The following GET1 variants were observed in gnomAD, a reference collection of about 807,000 sequenced individuals.
The protein encoded by GET1 is guided entry of tail-anchored proteins factor 1.
GET1 carries 20 observed loss-of-function variants against 22.6 expected under a neutral mutation model. That is an observed-to-expected ratio of 0.89 (90% confidence interval 0.62 to 1.29). The LOEUF (loss-of-function observed/expected upper bound fraction) is 1.29, where lower values mean the gene tolerates loss of function less well. Among genes scored for constraint, GET1 ranks in the 50% most tolerant of loss-of-function variants. The pLI, the probability that GET1 is intolerant of heterozygous loss-of-function variation, is 0.00. For missense variants in GET1, 209 were observed against 219.9 expected (o/e 0.95, Z 0.31); for synonymous variants, 92 against 83.8 (o/e 1.10, Z -0.53).
chr21:39,403,611 T>C (rs182426010), intron 4 of GET1, among the ~76,000 whole-genome samples: 267 of 143,480 alleles, frequency 1.9e-3, no homozygotes, highest in African/African-American at 6.5e-3. Context: ...CCGCTCCCGG[T>C]CTACTATTTT....
At chr21:39,419,135 G>A (rs1335590758) in intron 1 of GET1, among the ~76,000 whole-genome samples, 1 of 152,010 alleles carries the variant, frequency 6.6e-6, no homozygotes, top group Non-Finnish European at 1.5e-5. Flanking sequence ...AACTCGTCCA[G>A]CTCCGCCCCA....
rs767357715 is a variant in GET1 at position 39,420,857 on chromosome 21, ATATT to A, written c.*24-7374_*24-7371del. 1.5e-4 allele frequency: 239 copies of A among 1,588,060 alleles called. 1 individual carries two copies. Among genetic ancestry groups the A allele is most frequent in the Middle Eastern group, 3.3e-4 (2 of 5,984 alleles). ...TTTTTCCAAGCTCTGAAAACAGTATATATTATAACTATTCTGCAACCAAGTTAGT... is the reference window on the plus strand; with the variant it reads ...TTTTTCCAAGCTCTGAAAACAGTATAATAACTATTCTGCAACCAAGTTAGT... On this transcript the variant is annotated intron_variant, in intron 1 of 1. Transcript: ENST00000478273.
At chr21:39,391,718 T>G in intron 2 of GET1, 51 bp from the exon 3 acceptor site, 1 of 1,540,494 alleles carries the variant, frequency 6.5e-7, no homozygotes, top group Non-Finnish European at 9.0e-7. Flanking sequence ...TTTGAATATT[T>G]TGTTAATTTT....
At chr21:39,403,462 G>A (rs562335714) in intron 4 of GET1, among the ~76,000 whole-genome samples, 1 of 151,814 alleles carries the variant, frequency 6.6e-6, no homozygotes, top group Non-Finnish European at 1.5e-5. Flanking sequence ...CAGTAGCTGG[G>A]ACTAAAGGCG....
chr21:39,391,929 G>A, intron 3 of GET1, 93 bp downstream of exon 3: 1 of 1,242,852 alleles, frequency 8.0e-7, no homozygotes, highest in Non-Finnish European at 1.2e-6. Flanking sequence ...AGTTCGGGCT[G>A]TTCCACCTTC....
intron 1 of GET1, among the ~76,000 whole-genome samples, chr21:39,415,004 G>A (rs1304464306): frequency 3.3e-5 from 5 of 151,930 alleles, no homozygotes; most frequent in Non-Finnish European, 7.4e-5. Context: ...TCCTGGGCTC[G>A]AGATCTTCTG....
chr21:39,426,988 A>G (rs555802249), intron 1 of GET1, among the ~76,000 whole-genome samples: 1 of 152,374 alleles, frequency 6.6e-6, no homozygotes, highest in East Asian at 1.9e-4. Context: ...GTTCACAGAC[A>G]TGTGTCTTAG....
At chr21:39,424,643 TTA>T (rs1371352285) in intron 1 of GET1, among the ~76,000 whole-genome samples, 2 of 152,214 alleles carry the variant, frequency 1.3e-5, no homozygotes, top group Non-Finnish European at 2.9e-5. Flanking sequence ...TGTAAAGAAC[TTA>T]TATATTCAAA....
chr21:39,392,433 C>G (rs1569039194), intron 3 of GET1, among the ~76,000 whole-genome samples: 1 of 152,162 alleles, frequency 6.6e-6, no homozygotes, highest in Non-Finnish European at 1.5e-5. Context: ...GCAAAGGATT[C>G]AAGCCCACCC....
At chr21:39,403,618 T>C (rs2038900434) in intron 4 of GET1, among the ~76,000 whole-genome samples, 1 of 123,292 alleles carries the variant, frequency 8.1e-6, no homozygotes. Flanking sequence ...CGGTCTACTA[T>C]TTTTATTTTT....
chr21:39,421,037 G>C (rs779303149), intron 1 of GET1, among the ~76,000 whole-genome samples: 7 of 151,440 alleles, frequency 4.6e-5, no homozygotes, highest in South Asian at 2.1e-4. Context: ...CCCAGCTCTA[G>C]AGAACAAATA....
At chr21:39,425,545 G>A (rs1235198857) in intron 1 of GET1, among the ~76,000 whole-genome samples, 1 of 152,198 alleles carries the variant, frequency 6.6e-6, no homozygotes, top group Admixed American at 6.5e-5. Flanking sequence ...AGCAGAGCAG[G>A]CCAGCCTCTA....
intron 1 of GET1, among the ~76,000 whole-genome samples, chr21:39,388,673 G>GGC (rs2038088117): frequency 6.6e-6 from 1 of 152,360 alleles, no homozygotes; most frequent in Admixed American, 6.5e-5. Context: ...AGGTGCCAGA[G>GGC]GCGCCACTGA....
At chr21:39,386,391 C>G (rs1210319310) in intron 1 of GET1, 1 of 152,274 alleles carries the variant, frequency 6.6e-6, no homozygotes, top group African/African-American at 2.4e-5. Flanking sequence ...TCCTGTGACT[C>G]AGAAGCGCGC....
chr21:39,428,452 A>G (rs1282834845), exon 2 of GET1: 1 of 1,611,814 alleles, frequency 6.2e-7, no homozygotes, highest in East Asian at 2.2e-5. Flanking sequence ...CGCCGAAGAA[A>G]TGCTCATCTA....
chr21:39,420,908 A>T, intron 1 of GET1: 1 of 1,258,704 alleles, frequency 7.9e-7, no homozygotes, highest in Non-Finnish European at 1.1e-6. Context: ...TTCAATTATC[A>T]TGGAACTAAC....
intron 4 of GET1, among the ~76,000 whole-genome samples, chr21:39,395,752 G>A (rs1335736186): frequency 1.3e-5 from 2 of 152,072 alleles, no homozygotes; most frequent in African/African-American, 4.8e-5. Context: ...GTTTGACACA[G>A]CTGGGCCTAG....
downstream of GET1, chr21:39,406,806 T>A: frequency 2.0e-6 from 1 of 491,620 alleles, no homozygotes; most frequent in Non-Finnish European, 3.5e-6. Flanking sequence ...TACAGTTTCT[T>A]GGAACTTCCC....
At chr21:39,404,531 G>A (rs889383075) in intron 4 of GET1, among the ~76,000 whole-genome samples, 8 of 152,204 alleles carry the variant, frequency 5.3e-5, no homozygotes, top group African/African-American at 1.9e-4. Flanking sequence ...GATCACCTGA[G>A]GTCAGGAGTT....
Sources: allele counts gnomAD v4.1 joint callset (sites outside exome capture counted in the v4.1 genomes callset), GRCh38; gene constraint gnomAD v4.1.1; transcripts MANE v1.5; gene names NCBI Gene and HGNC (gene_info 2026-07-23, HGNC 2026-07-21).